The following ATP8A1 variants were observed in gnomAD, a reference collection of about 807,000 sequenced individuals.
ATP8A1 encodes ATPase phospholipid transporting 8A1.
Under a neutral mutation model 177.7 loss-of-function variants are expected in ATP8A1, and 90 were observed. That is an observed-to-expected ratio of 0.51 (90% CI 0.43 to 0.60). The LOEUF (loss-of-function observed/expected upper bound fraction) is 0.60, where lower values mean the gene tolerates loss of function less well. ATP8A1 is among the 20% of genes least tolerant of loss of function. The probability of loss-of-function intolerance (pLI) is 0.00; values close to 1 mark genes in which losing one functional copy is unlikely to be tolerated. For synonymous variants in ATP8A1, 493 were observed against 485.9 expected (o/e 1.01, Z -0.19); for missense variants, 1,072 against 1,392.8 (o/e 0.77, Z 3.67).
At chr4:42,619,548 G>A (rs778195148) in intron 4 of ATP8A1, among the ~76,000 whole-genome samples, 4 of 151,616 alleles carry the variant, frequency 2.6e-5, no homozygotes, top group Non-Finnish European at 5.9e-5. Flanking sequence ...TGCACTGGGG[G>A]TGGATAAGTC....
At chr4:42,526,352 A>C (rs5024243) in intron 20 of ATP8A1, among the ~76,000 whole-genome samples, 47,391 of 152,036 alleles carry the variant, frequency 0.31, 8,715 homozygotes, top group East Asian at 0.56. Context: ...GAAGGTTAAT[A>C]CTGAGTGTCA....
intron 25 of ATP8A1, among the ~76,000 whole-genome samples, chr4:42,474,715 G>C (rs1720860484): frequency 6.6e-6 from 1 of 152,144 alleles, no homozygotes; most frequent in South Asian, 2.1e-4. Flanking sequence ...GGGGAAAACA[G>C]GGATTTAATG....
At chr4:42,599,701 C>T (rs540434167) in intron 6 of ATP8A1, among the ~76,000 whole-genome samples, 138 of 152,250 alleles carry the variant, frequency 9.1e-4, no homozygotes, top group African/African-American at 3.2e-3. Context: ...GGTTACACTT[C>T]GATTGTCCTA....
chr4:42,593,488 G>A (rs1734400727), intron 6 of ATP8A1, among the ~76,000 whole-genome samples: 1 of 151,482 alleles, frequency 6.6e-6, no homozygotes, highest in South Asian at 2.1e-4. Context: ...GTTAAGTTTC[G>A]CTAACTTGTC....
At chr4:42,492,166 A>G (rs1162291535) in intron 24 of ATP8A1, among the ~76,000 whole-genome samples, 1 of 152,202 alleles carries the variant, frequency 6.6e-6, no homozygotes, top group African/African-American at 2.4e-5. Flanking sequence ...ACTTATCTAA[A>G]GTATACTTTG....
intron 25 of ATP8A1, among the ~76,000 whole-genome samples, chr4:42,473,099 T>C (rs1470365301): frequency 6.6e-6 from 1 of 152,106 alleles, no homozygotes; most frequent in African/African-American, 2.4e-5. Context: ...GACTGAAAAG[T>C]TGGAATTGGA....
chr4:42,610,199 T>A (rs1240807592), intron 5 of ATP8A1, among the ~76,000 whole-genome samples: 1 of 151,892 alleles, frequency 6.6e-6, no homozygotes, highest in Non-Finnish European at 1.5e-5. Context: ...TCAGTCTGCA[T>A]CTTATCTTCC....
At position 42,642,076 on chromosome 4, in the gene ATP8A1, C is replaced by T. The variant is rs568301863; in HGVS notation, c.49+14749G>A. 8.5e-5 allele frequency among the ~76,000 whole-genome samples: 13 copies of T among 152,138 alleles called. No homozygotes were observed. The South Asian group carries it at 2.7e-3, about 32-fold the overall frequency. ...CTGCCCATTACAACTTTGGTAGGGACATCAGTATAGCACACACAGCAACAT... is the reference window on the plus strand; with the variant it reads ...CTGCCCATTACAACTTTGGTAGGGATATCAGTATAGCACACACAGCAACAT... On this transcript the variant is annotated intron_variant, in intron 1 of 36. Transcript: ENST00000381668.
At chr4:42,453,708 T>G (rs1382349035) in intron 29 of ATP8A1, among the ~76,000 whole-genome samples, 3 of 152,132 alleles carry the variant, frequency 2.0e-5, no homozygotes, top group African/African-American at 7.2e-5. Flanking sequence ...ATGGCCAAAT[T>G]TGTGGTTAGA....
At chr4:42,532,158 C>G (rs1237165123) in intron 20 of ATP8A1, among the ~76,000 whole-genome samples, 1 of 151,756 alleles carries the variant, frequency 6.6e-6, no homozygotes, top group East Asian at 1.9e-4. Context: ...ACATAAAATA[C>G]ACGGGAATAA....
chr4:42,624,753 G>A (rs1035679568), intron 3 of ATP8A1, 119 bp from the exon 4 acceptor site: 11 of 478,054 alleles, frequency 2.3e-5, no homozygotes, highest in South Asian at 6.0e-5. Flanking sequence ...TATCTTGGCC[G>A]ACTAATGCTG....
chr4:42,627,255 C>A (rs1446821143), intron 1 of ATP8A1, 146 bp from the exon 2 acceptor site: 1 of 605,192 alleles, frequency 1.7e-6, no homozygotes, highest in Admixed American at 3.1e-5. Flanking sequence ...AAAGTAACAT[C>A]CCCATATTTA....
At chr4:42,501,682 A>G (rs1038877595) in intron 24 of ATP8A1, among the ~76,000 whole-genome samples, 14 of 152,252 alleles carry the variant, frequency 9.2e-5, no homozygotes, top group Non-Finnish European at 1.5e-4. Context: ...CAGGCACTCT[A>G]GCACATCTAA....
chr4:42,581,795 C>A (rs1179783926), intron 9 of ATP8A1, 63 bp from the exon 10 acceptor site: 3 of 1,206,200 alleles, frequency 2.5e-6, no homozygotes, highest in Non-Finnish European at 3.6e-6. Context: ...ACTCTAGTTA[C>A]CATATAGTTA....
chr4:42,515,159 C>T (rs1395639050), intron 22 of ATP8A1, among the ~76,000 whole-genome samples: 2 of 152,182 alleles, frequency 1.3e-5, no homozygotes, highest in Non-Finnish European at 2.9e-5. Context: ...AGTAAATGCT[C>T]AGAAAGTGGC....
In ATP8A1 at chr4:42,550,277, T is replaced by TA. The variant is rs146515109; in HGVS notation, c.1602+920dup. Among the ~76,000 whole-genome samples, 80 of 151,968 alleles carry TA rather than the reference T, an allele frequency of 5.3e-4. No individual in the cohort carries two copies. The East Asian group carries it at 0.013, about 24-fold the overall frequency. ...TTCATCCATGCTGTTGATGAATCAA[T>TA]AACTCATTCTTTTTTATTGTTTAGA... On this transcript the variant is annotated intron_variant, in intron 18 of 36. Coordinates refer to ENST00000381668, the MANE Select transcript of ATP8A1 (RefSeq NM_006095.2).
In ATP8A1 at chr4:42,657,060, C is replaced by T; in HGVS notation, c.-187G>A. On this transcript the variant is annotated 5_prime_UTR_variant, in exon 1 of 37. Coordinates refer to ENST00000381668, the MANE Select transcript of ATP8A1 (RefSeq NM_006095.2). Reference sequence around the variant, plus strand: ...GCCGACAGGAGGAGGAGAAAGGCAGCGGTGGCGGCGAAGGTGGCGGCGCCC... The same window carrying T: ...GCCGACAGGAGGAGGAGAAAGGCAGTGGTGGCGGCGAAGGTGGCGGCGCCC... 2.0e-6 allele frequency: 1 copy of T among 500,184 alleles called. No individual in the cohort carries two copies. Among genetic ancestry groups the T allele is most frequent in the Non-Finnish European group, 3.1e-6 (1 of 321,556 alleles). The allele number at this position is 500,184 out of a possible 1,614,324, so 31.0% of individuals were successfully genotyped here.
At chr4:42,633,561 A>G (rs973339525) in intron 1 of ATP8A1, among the ~76,000 whole-genome samples, 2 of 152,220 alleles carry the variant, frequency 1.3e-5, no homozygotes, top group Admixed American at 6.5e-5. Flanking sequence ...AGATAATTAC[A>G]GAACATGGTA....
chr4:42,444,645 A>G lies in ATP8A1; in HGVS notation c.2959-11T>C, dbSNP rs200861548. On this transcript the variant is annotated splice_polypyrimidine_tract_variant and intron_variant, in intron 31 of 36. Coordinates refer to ENST00000381668, the MANE Select transcript of ATP8A1 (RefSeq NM_006095.2). ...AGTTATCACCACAAACTAAAACAGA[A>G]GGGGAAAATGTTATTTTACCTCATA... The G allele has an allele frequency of 1.4e-4, 219 of 1,613,196 alleles. No individual in the cohort carries two copies. In the African/African-American group the frequency reaches 2.3e-3, roughly 17 times the overall value.
Sources: gnomAD v4.1 joint callset for allele counts (sites outside exome capture counted in the v4.1 genomes callset) on GRCh38, gnomAD v4.1.1 for gene constraint, MANE v1.5 for transcripts, NCBI Gene and HGNC (gene_info 2026-07-23, HGNC 2026-07-21) for gene names.